ADAMTS17: variants seen among roughly 807,000 people sequenced by gnomAD.
ADAMTS17 encodes the protein A disintegrin and metalloproteinase with thrombospondin motifs 17.
In ADAMTS17, 113 loss-of-function variants were observed where a neutral mutation model predicts 141.5. The observed-to-expected ratio is 0.80, with a 90% confidence interval of 0.69 to 0.93. ADAMTS17 has a LOEUF of 0.93. Among genes scored for constraint, ADAMTS17 ranks in the 40% least tolerant of loss-of-function variants. ADAMTS17 has a pLI of 0.00. For missense variants in ADAMTS17, 1,659 were observed against 1,517.9 expected, an observed-to-expected ratio of 1.09 and a Z score of -1.54; for synonymous variants, 768 against 630.6, an observed-to-expected ratio of 1.22 and a Z score of -3.27.
rs549996234 is a variant in ADAMTS17 at position 100,275,314 on chromosome 15, G to T, written c.789+5915C>A. Among the ~76,000 whole-genome samples, 348 of 152,272 alleles carry T rather than the reference G, an allele frequency of 2.3e-3. 3 individuals are homozygous for T. Among genetic ancestry groups the T allele is most frequent in the African/African-American group, 7.8e-3 (323 of 41,546 alleles). ...GCCACATGAAAGGCAGGGGGTGGGG[G>T]GCCTTCCCCATCCAATGCAAGGGGA... On this transcript the variant is annotated intron_variant, in intron 4 of 21. Transcript: ENST00000268070.
intron 8 of ADAMTS17, among the ~76,000 whole-genome samples, chr15:100,178,812 T>C (rs2040425355): frequency 6.6e-6 from 1 of 152,198 alleles, no homozygotes; most frequent in Admixed American, 6.5e-5. Flanking sequence ...ATAGTTTTAT[T>C]TGATATAGGA....
intron 21 of ADAMTS17, among the ~76,000 whole-genome samples, chr15:99,975,095 G>A (rs112508369): frequency 0.024 from 3,589 of 152,278 alleles, 151 homozygotes; most frequent in African/African-American, 0.081. Flanking sequence ...GGCCTCCCCC[G>A]GAACAAAGAT....
At chr15:100,159,152 T>C (rs751942584) in intron 8 of ADAMTS17, among the ~76,000 whole-genome samples, 32 of 152,174 alleles carry the variant, frequency 2.1e-4, no homozygotes, top group Non-Finnish European at 3.7e-4. Context: ...AACCAGAATC[T>C]CCAAGAGACA....
At chr15:100,152,378 GGTGTGTAT>G (rs898072308) in intron 10 of ADAMTS17, among the ~76,000 whole-genome samples, 78 of 151,942 alleles carry the variant, frequency 5.1e-4, no homozygotes, top group Admixed American at 2.3e-3. Context: ...TGCATGTGTA[GGTGTGTAT>G]GTGTGTATGG....
chr15:100,315,675 A>G (rs1401626728), intron 3 of ADAMTS17, among the ~76,000 whole-genome samples: 1 of 152,228 alleles, frequency 6.6e-6, no homozygotes, highest in Non-Finnish European at 1.5e-5. Context: ...TGCGTCCACA[A>G]AAAATTTTAA....
At chr15:100,088,127 C>T (rs1221790795) in intron 15 of ADAMTS17, among the ~76,000 whole-genome samples, 5 of 152,194 alleles carry the variant, frequency 3.3e-5, no homozygotes, top group Non-Finnish European at 7.3e-5. Flanking sequence ...AGCTGATAGG[C>T]AACTTCCGCA....
intron 18 of ADAMTS17, among the ~76,000 whole-genome samples, chr15:100,037,128 C>G (rs2030800822): frequency 6.6e-6 from 1 of 152,076 alleles, no homozygotes; most frequent in Non-Finnish European, 1.5e-5. Context: ...TGAGGAACTA[C>G]CAGATTTTTT....
intron 20 of ADAMTS17, among the ~76,000 whole-genome samples, chr15:99,981,090 G>A (rs1490393035): frequency 6.6e-6 from 1 of 152,200 alleles, no homozygotes. Context: ...GTGGTCCAGG[G>A]ACCCCATCTC....
At chr15:100,189,376 A>G (rs1470809278) in intron 8 of ADAMTS17, among the ~76,000 whole-genome samples, 2 of 152,230 alleles carry the variant, frequency 1.3e-5, no homozygotes. Context: ...GCTGGCAGGA[A>G]GTTGGCTGCC....
intron 4 of ADAMTS17, among the ~76,000 whole-genome samples, chr15:100,281,017 C>T (rs1343683565): frequency 2.0e-5 from 3 of 152,266 alleles, no homozygotes; most frequent in African/African-American, 7.2e-5. Flanking sequence ...TTCAACACTA[C>T]GCCAGTGTGG....
chr15:100,081,632 A>T (rs7180870), intron 15 of ADAMTS17, among the ~76,000 whole-genome samples: 23,451 of 152,230 alleles, frequency 0.15, 3,571 homozygotes, highest in African/African-American at 0.4. Context: ...AATCACTGAG[A>T]CAAACACAGG....
intron 3 of ADAMTS17, among the ~76,000 whole-genome samples, chr15:100,288,974 C>T (rs1008555231): frequency 2.6e-5 from 4 of 152,146 alleles, no homozygotes; most frequent in South Asian, 4.2e-4. Flanking sequence ...AACCTCAATG[C>T]TAGCAGAAGA....
intron 8 of ADAMTS17, among the ~76,000 whole-genome samples, chr15:100,190,973 T>C (rs1567326054): frequency 6.6e-6 from 1 of 152,132 alleles, no homozygotes; most frequent in Non-Finnish European, 1.5e-5. Flanking sequence ...GGGAGGTGGC[T>C]CACCGTCTGC....
At chr15:100,167,899 G>T (rs999400968) in intron 8 of ADAMTS17, among the ~76,000 whole-genome samples, 1 of 152,196 alleles carries the variant, frequency 6.6e-6, no homozygotes, top group South Asian at 2.1e-4. Context: ...TGCACGTGAT[G>T]AATGTCACAG....
At chr15:100,124,917 C>T (rs2037650497) in intron 12 of ADAMTS17, among the ~76,000 whole-genome samples, 1 of 152,162 alleles carries the variant, frequency 6.6e-6, no homozygotes, top group African/African-American at 2.4e-5. Context: ...CTGAGACCAA[C>T]AGGATCATAT....
In ADAMTS17 at chr15:100,181,223, T is replaced by C. The variant is rs989680346; in HGVS notation, c.1181+18095A>G. On this transcript the variant is annotated intron_variant, in intron 8 of 21. Transcript: ENST00000268070. ...CCATTTAGGGCAGTGGACTCCCCTC[T>C]GGCCCAGAACAGTCCAGAAATGCTG... 2.6e-5 allele frequency among the ~76,000 whole-genome samples: 4 copies of C among 152,190 alleles called. No homozygotes were observed. The East Asian group carries it at 5.8e-4, about 22-fold the overall frequency.
At chr15:100,282,633 G>C (rs2044322525) in intron 3 of ADAMTS17, among the ~76,000 whole-genome samples, 1 of 152,180 alleles carries the variant, frequency 6.6e-6, no homozygotes, top group African/African-American at 2.4e-5. Flanking sequence ...GTGAATAAAT[G>C]AAACTACGGA....
rs1373237392 is a variant in ADAMTS17, at chr15:99,975,663, G to T, written c.3127+382C>A. On this transcript the variant is annotated intron_variant, in intron 21 of 21. Coordinates refer to ENST00000268070, the MANE Select transcript of ADAMTS17 (RefSeq NM_139057.4). ...TCTGCTGCTCAAGCATCAGCCTGGG[G>T]TGTGCCCCATGTGTGCATCCTCATG... Among the ~76,000 whole-genome samples, 3 of 152,188 alleles carry T rather than the reference G, an allele frequency of 2.0e-5. No individual in the cohort carries two copies. The East Asian group carries it at 5.8e-4, about 29-fold the overall frequency.
At chr15:100,005,919 T>C (rs974333325) in intron 18 of ADAMTS17, among the ~76,000 whole-genome samples, 2 of 152,086 alleles carry the variant, frequency 1.3e-5, no homozygotes, top group Non-Finnish European at 2.9e-5. Context: ...CTGGGAAGCC[T>C]TGGTGTTCCC....
Sources: gnomAD v4.1 joint callset for allele counts (sites outside exome capture counted in the v4.1 genomes callset) on GRCh38, gnomAD v4.1.1 for gene constraint, MANE v1.5 for transcripts, NCBI Gene and HGNC (gene_info 2026-07-23, HGNC 2026-07-21) for gene names.